The following ODF2 variants were observed in gnomAD, a reference collection of about 807,000 sequenced individuals.
ODF2 encodes outer dense fiber of sperm tails 2, also known as outer dense fiber protein 2.
A neutral mutation model predicts 110.2 loss-of-function variants in ODF2; 47 were observed. The observed-to-expected ratio is 0.43, with a 90% CI of 0.34 to 0.54. The LOEUF (loss-of-function observed/expected upper bound fraction) is 0.54. Ranked by LOEUF, ODF2 falls within the 20% of genes least tolerant of loss-of-function variation. The pLI is 0.03. For missense variants in ODF2, 812 were observed against 1,054.5 expected, an observed-to-expected ratio of 0.77 and a Z score of 3.19; for synonymous variants, 352 against 397.7, an observed-to-expected ratio of 0.89 and a Z score of 1.37.
At chr9:128,470,806 C>T (rs1229431477) in intron 5 of ODF2, among the ~76,000 whole-genome samples, 1 of 152,126 alleles carries the variant, frequency 6.6e-6, no homozygotes, top group African/African-American at 2.4e-5. Flanking sequence ...AAATCAGCAT[C>T]TCCCAGGAGA....
rs756567036 is a variant in ODF2, at chr9:128,471,419, G to T, written c.532G>T (p.Val178Leu). 26 of 1,613,524 alleles carry T rather than the reference G, an allele frequency of 1.6e-5. 1 individual carries two copies. In the South Asian group the frequency reaches 2.7e-4, roughly 17 times the overall value. Reference sequence around the variant, plus strand: ...GGCTGAGACTGAGCACGAGAACACGGTGTTGAGGCACAACATCGAGCGCAT... The same window carrying T: ...GGCTGAGACTGAGCACGAGAACACGTTGTTGAGGCACAACATCGAGCGCAT... Residue 178 changes from valine (V) to leucine (L), a missense_variant, in exon 6 of 21, where the codon GTG becomes TTG. Around this residue, in one of 5 missense-constraint regions of ODF2, gnomAD observed 219 missense variants for 321.3 expected, o/e 0.68. Transcript: ENST00000604420.
chr9:128,467,774 A>G (rs1297194271), intron 4 of ODF2, among the ~76,000 whole-genome samples: 2 of 147,370 alleles, frequency 1.4e-5, no homozygotes, highest in Middle Eastern at 3.6e-3. Flanking sequence ...CAAAGTGTTT[A>G]CAGCTTTGCA....
chr9:128,488,320 G>A (rs1843815288), intron 14 of ODF2, among the ~76,000 whole-genome samples: 1 of 152,188 alleles, frequency 6.6e-6, no homozygotes, highest in Admixed American at 6.5e-5. Context: ...AGCTACTCGG[G>A]AGGCTGAGTT....
chr9:128,477,522 G>C (rs1468070140), intron 8 of ODF2, among the ~76,000 whole-genome samples: 3 of 152,046 alleles, frequency 2.0e-5, no homozygotes, highest in Admixed American at 1.3e-4. Context: ...CACTCAGGCT[G>C]AGTGACAGAG....
upstream of ODF2, chr9:128,455,192 A>G: frequency 6.5e-7 from 1 of 1,535,094 alleles, no homozygotes; most frequent in Non-Finnish European, 8.7e-7. Context: ...AGCATAATTG[A>G]GAAGATGGCG....
At chr9:128,456,036 G>C, upstream of ODF2, 6 of 1,468,864 alleles carry the variant, frequency 4.1e-6, no homozygotes, top group Middle Eastern at 1.8e-4. Context: ...GTGACGCTAG[G>C]GGCTGGGCCT....
At chr9:128,462,590 G>A (rs1022009281) in intron 4 of ODF2, among the ~76,000 whole-genome samples, 1 of 151,690 alleles carries the variant, frequency 6.6e-6, no homozygotes, top group South Asian at 2.1e-4. Flanking sequence ...AGAGTACAGG[G>A]ATTTTGTTTT....
At chr9:128,456,538 T>C in intron 1 of ODF2, 1 of 1,526,878 alleles carries the variant, frequency 6.5e-7, no homozygotes, top group South Asian at 1.2e-5. Context: ...GCTTCACCTT[T>C]CTCTCTATGG....
At chr9:128,470,018 A>AAT (rs769896764) in intron 5 of ODF2, among the ~76,000 whole-genome samples, 629 of 16,952 alleles carry the variant, frequency 0.037, 42 homozygotes, top group South Asian at 0.048. Flanking sequence ...AAAAAAAAAA[A>AAT]ATATATATAT....
At chr9:128,496,733 T>TCTAC (rs1431997515) in intron 18 of ODF2, among the ~76,000 whole-genome samples, 1 of 152,018 alleles carries the variant, frequency 6.6e-6, no homozygotes, top group East Asian at 1.9e-4. Context: ...TATCTATCTA[T>TCTAC]CTATCTATCA....
Position 128,474,496 on chromosome 9 carries a change from GA to G in ODF2, c.843+766del, listed in dbSNP as rs1344171448. 2.4e-3 allele frequency among the ~76,000 whole-genome samples: 351 copies of G among 143,920 alleles called. 1 individual carries two copies. Among genetic ancestry groups the G allele is most frequent in the African/African-American group, 7.6e-3 (298 of 39,112 alleles). The allele number at this position is 143,920 out of a possible 152,430, so 94.4% of individuals were successfully genotyped here. ...CGACAGAGCGAGATTCCATCTTGGG[GA>G]AAAAAAAAAATTAGTCAGCCAGGTG... is the stretch of plus-strand genomic sequence containing the variant. On this transcript the variant is annotated intron_variant, in intron 8 of 20. Coordinates refer to ENST00000604420, the Ensembl canonical transcript of ODF2.
chr9:128,494,510 G>T lies in ODF2; in HGVS notation c.1753G>T (p.Ala585Ser). The T allele has an allele frequency of 6.2e-7, 1 of 1,613,956 alleles. No individual in the cohort carries two copies. Among genetic ancestry groups the T allele is most frequent in the Non-Finnish European group, 8.5e-7 (1 of 1,179,908 alleles). ...TGTGGGTCTTTCCTTCCTGTTTCAGGCACGAAGGCAGTTCCAGTCTCAGCT... is the reference window on the plus strand; with the variant it reads ...TGTGGGTCTTTCCTTCCTGTTTCAGTCACGAAGGCAGTTCCAGTCTCAGCT... Residue 585 changes from alanine (A) to serine (S), a missense_variant and splice_region_variant, in exon 17 of 21, where the codon GCA (alanine) becomes TCA (serine). By Grantham distance (99) the Ala-to-Ser change is moderately conservative. This residue lies in a region of ODF2 where 165 missense variants were observed against 293.4 expected (regional missense o/e 0.56). Transcript: ENST00000604420. The surrounding 1 kb of genome is among the most constrained non-coding windows in gnomAD (Gnocchi z 4.6).
At chr9:128,465,739 CAAAAA>C in intron 4 of ODF2, among the ~76,000 whole-genome samples, 1 of 70,470 alleles carries the variant, frequency 1.4e-5, no homozygotes, top group Admixed American at 1.7e-4. Context: ...GACTCCGTCT[CAAAAA>C]AAAAAAAAAA....
exon 16 of ODF2, chr9:128,492,804 C>T (rs145689252): frequency 1.4e-5 from 23 of 1,611,574 alleles, no homozygotes; most frequent in Non-Finnish European, 2.0e-5. Context: ...GAGATTGAGG[C>T]GGTACTGCTT....
chr9:128,473,365 C>A, intron 7 of ODF2: 1 of 710,982 alleles, frequency 1.4e-6, no homozygotes, highest in Non-Finnish European at 1.7e-6. Context: ...GAAGTCTGCC[C>A]TGACTGTGCT....
At chr9:128,484,653 C>A (rs1259863768) in intron 11 of ODF2, 48 bp from the exon 12 acceptor site, 10 of 1,543,758 alleles carry the variant, frequency 6.5e-6, no homozygotes, top group Non-Finnish European at 8.8e-6. Context: ...TTCCCACAAC[C>A]TCCTTGTCTC....
At chr9:128,456,069 C>T (rs1171215281), upstream of ODF2, 5 of 1,519,420 alleles carry the variant, frequency 3.3e-6, no homozygotes, top group East Asian at 2.5e-5. Flanking sequence ...CCAAGCGGCT[C>T]CCGGGGGGGT....
chr9:128,457,812 CCACTGA>C (rs1835304279), intron 2 of ODF2, among the ~76,000 whole-genome samples: 1 of 151,892 alleles, frequency 6.6e-6, no homozygotes, highest in Non-Finnish European at 1.5e-5. Flanking sequence ...GACAAGAAAC[CCACTGA>C]GAGATTTCCC....
Position 128,485,457 on chromosome 9 carries a change from A to T in ODF2, c.1383A>T (p.Glu461Asp), listed in dbSNP as rs760127888. 3.8e-6 allele frequency: 6 copies of T among 1,590,890 alleles called. No homozygotes were observed. Among genetic ancestry groups the T allele is most frequent in the Non-Finnish European group, 5.2e-6 (6 of 1,159,476 alleles). Residue 461 changes from glutamate (E) to aspartate (D), a missense_variant, in exon 13 of 21, where the codon GAA (glutamate) becomes GAT (aspartate). Physicochemically the swap from Glu to Asp is conservative, Grantham distance 45. Around this residue, in one of 5 missense-constraint regions of ODF2, gnomAD observed 165 missense variants for 293.4 expected, o/e 0.56. Coordinates refer to ENST00000604420, the Ensembl canonical transcript of ODF2. The surrounding 1 kb of genome is among the most constrained non-coding windows in gnomAD (Gnocchi z 5.0). ...AAGAAAAGGGAGACCTTGAGCTGGA[A>T]ATTATTGTCCTGAATGAGTACGTCT...
Sources: allele counts gnomAD v4.1 joint callset (sites outside exome capture counted in the v4.1 genomes callset), GRCh38; gene constraint gnomAD v4.1.1; regional missense constraint gnomAD v4.1.1; non-coding constraint Gnocchi (gnomAD v3.1); transcripts MANE v1.5; gene names NCBI Gene and HGNC (gene_info 2026-07-23, HGNC 2026-07-21).